The following SRGAP1 variants were observed in gnomAD, a reference collection of about 807,000 sequenced individuals.
The protein encoded by SRGAP1 is SLIT-ROBO Rho GTPase-activating protein 1.
A neutral mutation model predicts 121.9 loss-of-function variants in SRGAP1; 43 were observed. The ratio of observed to expected loss-of-function variants is 0.35; its 90% confidence interval spans 0.28 to 0.46. SRGAP1 has a LOEUF of 0.46. SRGAP1 is among the 20% of genes least tolerant of loss of function. The pLI is 1.00. For missense variants in SRGAP1, 1,102 were observed against 1,350.9 expected (o/e 0.82, Z 2.89); for synonymous variants, 447 against 485.4 (o/e 0.92, Z 1.04).
chr12:63,899,741 G>A (rs1205855309), intron 1 of SRGAP1, among the ~76,000 whole-genome samples: 4 of 152,164 alleles, frequency 2.6e-5, no homozygotes, highest in African/African-American at 9.7e-5. Context: ...GAAACCTTGG[G>A]CTAAACTTAA....
At chr12:63,969,638 A>C (rs995388355) in intron 1 of SRGAP1, among the ~76,000 whole-genome samples, 39 of 151,866 alleles carry the variant, frequency 2.6e-4, no homozygotes, top group African/African-American at 9.4e-4. Flanking sequence ...TTAAAAATAC[A>C]AAAAAATTAG....
chr12:63,925,294 C>T (rs1219430697), intron 1 of SRGAP1, among the ~76,000 whole-genome samples: 1 of 152,182 alleles, frequency 6.6e-6, no homozygotes, highest in Non-Finnish European at 1.5e-5. Context: ...CTTAGTCTCT[C>T]ATCAGGGCAG....
intron 15 of SRGAP1, among the ~76,000 whole-genome samples, chr12:64,103,117 C>T (rs984249842): frequency 1.3e-5 from 2 of 152,046 alleles, no homozygotes; most frequent in Admixed American, 1.3e-4. Context: ...GTAGCTGGGA[C>T]CACAGGCGTG....
intron 6 of SRGAP1, among the ~76,000 whole-genome samples, chr12:64,044,867 A>G (rs1331771063): frequency 6.6e-6 from 1 of 151,614 alleles, no homozygotes; most frequent in Non-Finnish European, 1.5e-5. Flanking sequence ...TTTAGTAGAG[A>G]TGGGCTTTCA....
At chr12:63,985,660 G>A (rs1335298818) in intron 2 of SRGAP1, among the ~76,000 whole-genome samples, 1 of 152,154 alleles carries the variant, frequency 6.6e-6, no homozygotes, top group African/African-American at 2.4e-5. Flanking sequence ...AACCTAAGTG[G>A]CAATTGTATC....
intron 6 of SRGAP1, among the ~76,000 whole-genome samples, chr12:64,054,707 CTTTT>C (rs2035306064): frequency 6.7e-6 from 1 of 150,018 alleles, no homozygotes; most frequent in Non-Finnish European, 1.5e-5. Context: ...AAGTAGTTGG[CTTTT>C]TTTGTTTTGT....
chr12:64,017,934 T>C (rs2034449002), intron 4 of SRGAP1, among the ~76,000 whole-genome samples: 2 of 152,170 alleles, frequency 1.3e-5, no homozygotes, highest in African/African-American at 4.8e-5. Context: ...ATTAGTAATA[T>C]ACTTATGTAA....
At chr12:64,098,491 C>G (rs896528900) in intron 15 of SRGAP1, among the ~76,000 whole-genome samples, 1 of 151,814 alleles carries the variant, frequency 6.6e-6, no homozygotes, top group Admixed American at 6.6e-5. Context: ...GGCAACATGG[C>G]AAAACCCCAT....
chr12:63,936,459 G>C (rs10878094), intron 1 of SRGAP1, among the ~76,000 whole-genome samples: 45,549 of 151,964 alleles, frequency 0.3, 7,286 homozygotes, highest in East Asian at 0.52. Flanking sequence ...GGGACGGCAA[G>C]GGGACATGTG....
At chr12:63,856,470 G>C (rs2136260557) in intron 1 of SRGAP1, among the ~76,000 whole-genome samples, 1 of 152,190 alleles carries the variant, frequency 6.6e-6, no homozygotes, top group Non-Finnish European at 1.5e-5. Flanking sequence ...TAATTCATCT[G>C]AAGTTTTTTA....
chr12:64,119,700 A>T, intron 18 of SRGAP1, among the ~76,000 whole-genome samples: 1 of 138,610 alleles, frequency 7.2e-6, no homozygotes, highest in African/African-American at 2.7e-5. Flanking sequence ...TCTTTTTTTT[A>T]TTTCTTCAGC....
At chr12:64,074,294 C>G (rs1425871327) in intron 8 of SRGAP1, among the ~76,000 whole-genome samples, 10 of 152,194 alleles carry the variant, frequency 6.6e-5, no homozygotes, top group Admixed American at 6.5e-4. Flanking sequence ...TTCATCAACT[C>G]AGGGATCTTT....
intron 21 of SRGAP1, 130 bp downstream of exon 21, chr12:64,128,330 A>C: frequency 1.0e-6 from 1 of 957,350 alleles, no homozygotes; most frequent in Non-Finnish European, 1.5e-6. Context: ...TAAAGAAAAC[A>C]GAAACAAAAC....
At chr12:64,006,197 A>G (rs543742317) in intron 3 of SRGAP1, among the ~76,000 whole-genome samples, 2 of 152,294 alleles carry the variant, frequency 1.3e-5, no homozygotes, top group East Asian at 3.9e-4. Flanking sequence ...GGGGAAGTAC[A>G]TTCTTCTATA....
intron 4 of SRGAP1, among the ~76,000 whole-genome samples, chr12:64,037,021 GAC>G (rs1337199046): frequency 6.6e-6 from 1 of 152,196 alleles, no homozygotes; most frequent in Non-Finnish European, 1.5e-5. Flanking sequence ...TGTCTTGAAA[GAC>G]AATACTTGTC....
chr12:64,103,533 ACT>A (rs2036292755), intron 15 of SRGAP1, among the ~76,000 whole-genome samples: 2 of 151,130 alleles, frequency 1.3e-5, no homozygotes, highest in Non-Finnish European at 3.0e-5. Context: ...AAGCTTTTGA[ACT>A]CTTTTTCTGG....
intron 4 of SRGAP1, among the ~76,000 whole-genome samples, chr12:64,022,527 A>C (rs1458261135): frequency 6.6e-6 from 1 of 152,090 alleles, no homozygotes; most frequent in Non-Finnish European, 1.5e-5. Flanking sequence ...ATCCAGAAGC[A>C]CTCTCACACA....
chr12:63,946,571 ACTCT>A lies in SRGAP1; in HGVS notation c.68-37368_68-37365del, dbSNP rs1163466856. ...TTTTTTTTTTTTGAGACAGAGTCTC[ACTCT>A]CTCTCTCGCCCACGCTGGAGTGCAG... On this transcript the variant is annotated intron_variant, in intron 1 of 21. Transcript: ENST00000355086. Among the ~76,000 whole-genome samples, 15 of 136,956 alleles carry A rather than the reference ACTCT, an allele frequency of 1.1e-4. No homozygotes were observed. In the East Asian group the frequency reaches 3.1e-3, roughly 29 times the overall value. 89.8% of individuals were successfully genotyped at this position (136,956 alleles called of 152,430 possible).
chr12:64,128,775 A>G (rs978687088), intron 21 of SRGAP1, among the ~76,000 whole-genome samples: 2 of 152,218 alleles, frequency 1.3e-5, no homozygotes, highest in Admixed American at 1.3e-4. Context: ...TATTTGAAGA[A>G]CAAGTCTGGA....
Sources: allele counts gnomAD v4.1 joint callset (sites outside exome capture counted in the v4.1 genomes callset), GRCh38; gene constraint gnomAD v4.1.1; transcripts MANE v1.5; gene names NCBI Gene and HGNC (gene_info 2026-07-23, HGNC 2026-07-21).